The following NFATC1 variants were observed in gnomAD, a reference collection of about 807,000 sequenced individuals.
NFATC1 encodes the protein nuclear factor of activated T-cells, cytoplasmic 1.
NFATC1 carries 22 observed loss-of-function variants against 76.0 expected under a neutral mutation model. That is an observed-to-expected ratio of 0.29 (90% CI 0.21 to 0.41). NFATC1 has a LOEUF of 0.41. Ranked by LOEUF, NFATC1 falls within the 10% of genes least tolerant of loss-of-function variation. The pLI is 1.00. For missense variants in NFATC1, 1,357 were observed against 1,337.7 expected, an observed-to-expected ratio of 1.01 and a Z score of -0.23; for synonymous variants, 704 against 613.1, an observed-to-expected ratio of 1.15 and a Z score of -2.19.
At chr18:79,434,371 T>C (rs2086699997) in intron 3 of NFATC1, among the ~76,000 whole-genome samples, 1 of 152,218 alleles carries the variant, frequency 6.6e-6, no homozygotes, top group African/African-American at 2.4e-5. Flanking sequence ...CACGTGGAGT[T>C]AGGCTGTCGA....
chr18:79,416,948 G>C (rs552210108), intron 2 of NFATC1, among the ~76,000 whole-genome samples: 1 of 152,198 alleles, frequency 6.6e-6, no homozygotes, highest in Non-Finnish European at 1.5e-5. Context: ...TGGGTACTGG[G>C]CTGGGCTGGC....
chr18:79,411,513 G>A lies in NFATC1; in HGVS notation c.1226+12G>A, dbSNP rs767099121. Reference sequence around the variant, plus strand: ...ACGTCCTACATGAGGTGAGCCGGCAGCGCGGGGCGGGACGGGGAGGCGAGG... The same window carrying A: ...ACGTCCTACATGAGGTGAGCCGGCAACGCGGGGCGGGACGGGGAGGCGAGG... On this transcript the variant is annotated intron_variant, in intron 2 of 9. Coordinates refer to ENST00000427363, the MANE Select transcript of NFATC1 (RefSeq NM_001278669.2). 16 of 1,461,598 alleles carry A rather than the reference G, an allele frequency of 1.1e-5. No individual in the cohort carries two copies. Among genetic ancestry groups the A allele is most frequent in the Non-Finnish European group, 9.9e-6 (11 of 1,108,638 alleles). 90.5% of individuals were successfully genotyped at this position (1,461,598 alleles called of 1,614,324 possible).
chr18:79,456,166 C>T (rs1019643560), intron 6 of NFATC1, among the ~76,000 whole-genome samples: 25 of 152,268 alleles, frequency 1.6e-4, no homozygotes, highest in Admixed American at 1.4e-3. Context: ...TGCAAGGACA[C>T]GGAACTGTCA....
chr18:79,503,410 AC>A (rs2090054414), intron 9 of NFATC1, among the ~76,000 whole-genome samples: 1 of 152,202 alleles, frequency 6.6e-6, no homozygotes, highest in Non-Finnish European at 1.5e-5. Context: ...CAGTGTTTGT[AC>A]CTGCGTGGGG....
At chr18:79,510,030 C>T (rs867425335) in intron 9 of NFATC1, among the ~76,000 whole-genome samples, 9 of 152,368 alleles carry the variant, frequency 5.9e-5, no homozygotes, top group Admixed American at 2.6e-4. Context: ...TGTGTCTCCA[C>T]GGTCAATCTT....
intron 8 of NFATC1, among the ~76,000 whole-genome samples, chr18:79,479,307 G>A (rs572672730): frequency 2.0e-4 from 30 of 152,318 alleles, no homozygotes; most frequent in Admixed American, 1.6e-3. Context: ...CCCGGAACAC[G>A]GGCAACAGCT....
chr18:79,400,257 G>GGGGGCGGGGGC (rs1173246244), intron 1 of NFATC1: 2 of 1,084,838 alleles, frequency 1.8e-6, no homozygotes, highest in Admixed American at 8.1e-5. Context: ...AAACGCCCCG[G>GGGGGCGGGGGC]GGGGCGGGGG....
At position 79,528,863 on chromosome 18, in the gene NFATC1, A is replaced by G. The variant is rs218002; in HGVS notation, c.*1286A>G. The stretch of plus-strand genomic sequence containing the variant: ...AGTTGCTTATTACGTATGATTACTC[A>G]CAGCGATCTATTGTTCCATATAACC... On this transcript the variant is annotated 3_prime_UTR_variant, in exon 10 of 10. Coordinates refer to ENST00000427363, the MANE Select transcript of NFATC1 (RefSeq NM_001278669.2). 1 allele frequency: 152,213 copies of G among 152,750 alleles called. 75,840 individuals are homozygous for G. The highest frequency in any genetic ancestry group is 1 in the East Asian group (5,190 of 5,190). 9.5% of individuals were successfully genotyped at this position (152,750 alleles called of 1,614,324 possible).
chr18:79,508,782 CCT>C (rs1236603779), intron 9 of NFATC1, among the ~76,000 whole-genome samples: 1 of 151,590 alleles, frequency 6.6e-6, no homozygotes, highest in Non-Finnish European at 1.5e-5. Context: ...TTTCTCTGTC[CCT>C]CTCTCCATCT....
intron 9 of NFATC1, among the ~76,000 whole-genome samples, chr18:79,490,688 G>A (rs935426355): frequency 1.6e-4 from 25 of 152,182 alleles, no homozygotes; most frequent in African/African-American, 5.6e-4. Context: ...CGTTTCCCGC[G>A]TCCTGGGTGG....
chr18:79,452,197 A>T (rs941095669), intron 6 of NFATC1: 1 of 164,036 alleles, frequency 6.1e-6, no homozygotes, highest in Non-Finnish European at 1.3e-5. Flanking sequence ...GCAGGGCAGG[A>T]GGGAGCTCCC....
At chr18:79,406,953 C>T (rs74975924) in intron 1 of NFATC1, among the ~76,000 whole-genome samples, 4,447 of 152,334 alleles carry the variant, frequency 0.029, 77 homozygotes, top group Non-Finnish European at 0.033. Flanking sequence ...ACAGGGCGAC[C>T]TGCCTGTGTG....
chr18:79,433,630 T>C lies in NFATC1; in HGVS notation c.1278T>C (p.Tyr426=), dbSNP rs777661745. Residue 426 remains tyrosine (Y), a synonymous_variant, in exon 3 of 10, where the codon TAT becomes TAC. Coordinates refer to ENST00000427363, the MANE Select transcript of NFATC1 (RefSeq NM_001278669.2). ...DWQLPSHSGP[Y]ELRIEVQPKS... ...AGCTGCCGTCCCACTCAGGCCCGTA[T>C]GAGCTTCGGATTGAGGTGCAGCCCA... 2.5e-6 allele frequency: 4 copies of C among 1,612,616 alleles called. No individual in the cohort carries two copies. Among genetic ancestry groups the C allele is most frequent in the Non-Finnish European group, 3.4e-6 (4 of 1,179,576 alleles).
Position 79,455,772 on chromosome 18 carries a change from CCCA to C in NFATC1, c.1903+3957_1903+3959del, listed in dbSNP as rs1237623146. Among the ~76,000 whole-genome samples, 6 of 10,914 alleles carry C rather than the reference CCCA, an allele frequency of 5.5e-4. No homozygotes were observed. In the East Asian group the frequency reaches 8.0e-3, roughly 14 times the overall value. 7.2% of individuals were successfully genotyped at this position (10,914 alleles called of 152,430 possible). A position where few individuals can be genotyped will look rare whatever the true frequency, so the allele number is the denominator to read the frequency against. On this transcript the variant is annotated intron_variant, in intron 6 of 9. Coordinates refer to ENST00000427363, the MANE Select transcript of NFATC1 (RefSeq NM_001278669.2). ...CACGGCCGCCCCATCCCACGGCCGC[CCCA>C]TCCCACGGCCGCCCCATCCCACGGC...
At chr18:79,436,956 C>T (rs1369361508) in intron 3 of NFATC1, among the ~76,000 whole-genome samples, 1 of 152,196 alleles carries the variant, frequency 6.6e-6, no homozygotes, top group East Asian at 1.9e-4. Flanking sequence ...TTGCCATGAT[C>T]ACACCGTCCG....
Position 79,396,977 on chromosome 18 carries a change from A to G in NFATC1, c.127+626A>G, listed in dbSNP as rs549248898. ...AATCCTATAGGCAGGAGTTCCAGCC[A>G]GAGAAGATGTTTCAGGCAAGTTTGA... On this transcript the variant is annotated intron_variant, in intron 1 of 9. Transcript: ENST00000427363. Among the ~76,000 whole-genome samples the G allele has an allele frequency of 9.2e-5, 14 of 152,336 alleles. No homozygotes were observed. In the East Asian group the frequency reaches 2.7e-3, roughly 29 times the overall value.
rs927139106 is a variant in NFATC1, at chr18:79,445,464, G to A, written c.1387-3318G>A. Among the ~76,000 whole-genome samples, 4 of 152,308 alleles carry A rather than the reference G, an allele frequency of 2.6e-5. No individual in the cohort carries two copies. In the South Asian group the frequency reaches 8.3e-4, roughly 32 times the overall value. ...GGCCCCGGGCCCAGCCCTGAGAGAC[G>A]CACCACGGCCTTCACCTGGAAGTGT... On this transcript the variant is annotated intron_variant, in intron 3 of 9. Transcript: ENST00000427363.
chr18:79,512,054 C>T (rs2090266802), intron 9 of NFATC1, among the ~76,000 whole-genome samples: 1 of 152,146 alleles, frequency 6.6e-6, no homozygotes, highest in South Asian at 2.1e-4. Context: ...CCGGCAATGG[C>T]TCCTTGTCTC....
intron 8 of NFATC1, among the ~76,000 whole-genome samples, chr18:79,484,067 T>C (rs2089424307): frequency 1.3e-5 from 2 of 151,770 alleles, no homozygotes; most frequent in African/African-American, 4.8e-5. Context: ...GGTCCTGGGG[T>C]GTCATTCCAG....
Sources: allele counts gnomAD v4.1 joint callset (sites outside exome capture counted in the v4.1 genomes callset), GRCh38; gene constraint gnomAD v4.1.1; transcripts MANE v1.5; gene names NCBI Gene and HGNC (gene_info 2026-07-23, HGNC 2026-07-21).